Variants in RAD51B observed in about 807,000 individuals in gnomAD.
RAD51B encodes DNA repair protein RAD51 homolog 2.
RAD51B carries 38 observed loss-of-function variants against 42.2 expected under a neutral mutation model. The observed-to-expected ratio is 0.90, with a 90% CI of 0.70 to 1.18. The LOEUF is 1.18. RAD51B is among the 50% of genes most tolerant of loss of function. The probability of loss-of-function intolerance (pLI) is 0.00; values close to 1 mark genes in which losing one functional copy is unlikely to be tolerated. For missense variants in RAD51B, 373 were observed against 400.7 expected (o/e 0.93, Z 0.59); for synonymous variants, 154 against 145.2 (o/e 1.06, Z -0.43).
intron 4 of RAD51B, among the ~76,000 whole-genome samples, chr14:67,853,185 T>C (rs1290051519): frequency 1.3e-5 from 2 of 152,104 alleles, no homozygotes; most frequent in Non-Finnish European, 1.5e-5. Flanking sequence ...TGCAGAGAAA[T>C]AGATTTTTGC....
intron 10 of RAD51B, among the ~76,000 whole-genome samples, chr14:68,544,078 T>C (rs1888101033): frequency 6.6e-6 from 1 of 152,224 alleles, no homozygotes; most frequent in Non-Finnish European, 1.5e-5. Flanking sequence ...TTGCATAAGA[T>C]ACATAAATCT....
intron 8 of RAD51B, among the ~76,000 whole-genome samples, chr14:68,335,104 C>T (rs1256861677): frequency 6.7e-6 from 1 of 150,278 alleles, no homozygotes; most frequent in Non-Finnish European, 1.5e-5. Context: ...TGAGACCAGC[C>T]TGGCCAACAT....
At chr14:68,438,448 C>T (rs925831509) in intron 9 of RAD51B, among the ~76,000 whole-genome samples, 1 of 152,136 alleles carries the variant, frequency 6.6e-6, no homozygotes, top group Admixed American at 6.5e-5. Context: ...GAGGCAAGAG[C>T]TGGCCCTGCT....
intron 4 of RAD51B, among the ~76,000 whole-genome samples, chr14:67,846,461 G>T (rs2140319109): frequency 6.6e-6 from 1 of 152,296 alleles, no homozygotes; most frequent in South Asian, 2.1e-4. Flanking sequence ...ACCCACACGT[G>T]TGCCAGCAAA....
intron 10 of RAD51B, among the ~76,000 whole-genome samples, chr14:68,522,907 G>T (rs771439286): frequency 6.6e-6 from 1 of 152,170 alleles, no homozygotes; most frequent in Non-Finnish European, 1.5e-5. Context: ...CAATTTGCAG[G>T]AACAACCTCT....
chr14:68,521,125 A>G (rs2140330562), intron 10 of RAD51B, among the ~76,000 whole-genome samples: 1 of 152,298 alleles, frequency 6.6e-6, no homozygotes, highest in African/African-American at 2.4e-5. Flanking sequence ...TAGGGATGGA[A>G]TGTCTGAGGA....
In RAD51B at chr14:68,477,784, G is replaced by C; in HGVS notation, c.*120G>C. ...AATGGGGATTAATTAGTTGATTGCT[G>C]TTGAGATGGTAACAGATTTGCTCCT... On this transcript the variant is annotated 3_prime_UTR_variant, in exon 11 of 11. Coordinates refer to ENST00000471583, the MANE Select transcript of RAD51B (RefSeq NM_133510.4). 6.5e-7 allele frequency: 1 copy of C among 1,538,506 alleles called. No individual in the cohort carries two copies. The highest frequency in any genetic ancestry group is 1.4e-5 in the African/African-American group (1 of 71,674).
chr14:68,511,737 G>T (rs1885743032), intron 10 of RAD51B, among the ~76,000 whole-genome samples: 1 of 152,184 alleles, frequency 6.6e-6, no homozygotes, highest in South Asian at 2.1e-4. Context: ...GTTCAGCTAG[G>T]CCAGGCTTTC....
At chr14:68,332,429 C>A (rs2082369023) in intron 8 of RAD51B, among the ~76,000 whole-genome samples, 1 of 152,170 alleles carries the variant, frequency 6.6e-6, no homozygotes, top group Non-Finnish European at 1.5e-5. Context: ...TGACAGAGAT[C>A]ATTATTTCAA....
intron 10 of RAD51B, among the ~76,000 whole-genome samples, chr14:68,628,674 G>A (rs2140121015): frequency 6.6e-6 from 1 of 152,288 alleles, no homozygotes; most frequent in East Asian, 1.9e-4. Flanking sequence ...TGGGTCACCT[G>A]GGCTGAGTCG....
At chr14:68,549,409 A>ATTTTTTTTTTTTTTTTTTTTTTTTTTTTT (rs71129897) in intron 10 of RAD51B, among the ~76,000 whole-genome samples, 17 of 63,568 alleles carry the variant, frequency 2.7e-4, no homozygotes, top group South Asian at 7.4e-4. Flanking sequence ...CCCTGGACAC[A>ATTTTTTTTTTTTTTTTTTTTTTTTTTTTT]TTTTTTTTTT....
At chr14:67,976,016 CAA>C (rs1171777276) in intron 7 of RAD51B, among the ~76,000 whole-genome samples, 1 of 151,914 alleles carries the variant, frequency 6.6e-6, no homozygotes, top group Non-Finnish European at 1.5e-5. Context: ...GTTCTCCACT[CAA>C]ATTCTTTATG....
intron 8 of RAD51B, among the ~76,000 whole-genome samples, chr14:68,301,739 G>A (rs965013940): frequency 6.6e-6 from 1 of 152,004 alleles, no homozygotes; most frequent in Admixed American, 6.5e-5. Flanking sequence ...TGGGATTACA[G>A]GCATGCACCA....
chr14:68,579,912 G>T (rs1271959619), intron 10 of RAD51B, among the ~76,000 whole-genome samples: 1 of 152,226 alleles, frequency 6.6e-6, no homozygotes, highest in East Asian at 1.9e-4. Context: ...CACGTCTCCA[G>T]CCCAGGCCCA....
chr14:68,682,205 C>A (rs949091851), intron 11 of RAD51B, among the ~76,000 whole-genome samples: 2 of 152,208 alleles, frequency 1.3e-5, no homozygotes, highest in African/African-American at 4.8e-5. Context: ...CAGATTACAA[C>A]TGAGACTCAA....
At chr14:68,113,789 G>A (rs1036864895) in intron 7 of RAD51B, 2 of 152,110 alleles carry the variant, frequency 1.3e-5, no homozygotes, top group Non-Finnish European at 2.9e-5. Flanking sequence ...TCTTAAGTAT[G>A]AGCATGCTGG....
At chr14:67,910,628 C>G (rs2043946487) in intron 7 of RAD51B, among the ~76,000 whole-genome samples, 2 of 151,480 alleles carry the variant, frequency 1.3e-5, no homozygotes, top group Non-Finnish European at 2.9e-5. Flanking sequence ...TTGTATTTTA[C>G]CATATTTGTG....
intron 7 of RAD51B, among the ~76,000 whole-genome samples, chr14:68,285,740 T>G (rs1356336531): frequency 6.6e-6 from 1 of 152,142 alleles, no homozygotes; most frequent in Non-Finnish European, 1.5e-5. Flanking sequence ...ATGCCTGAGG[T>G]TGCTTCGTGA....
rs2041412820 is a variant in RAD51B, at chr14:67,841,119, A to G, written c.315+5923A>G. On this transcript the variant is annotated intron_variant, in intron 4 of 10. Transcript: ENST00000471583. ...CTGGCCATTTTGACTTCTTAATAAT[A>G]GCCATTCTGGCTGGTGTGAGATGGT... Among the ~76,000 whole-genome samples, 3 of 152,174 alleles carry G rather than the reference A, an allele frequency of 2.0e-5. No homozygotes were observed. The South Asian group carries it at 6.2e-4, about 31-fold the overall frequency.
Sources: allele counts gnomAD v4.1 joint callset (sites outside exome capture counted in the v4.1 genomes callset), GRCh38; gene constraint gnomAD v4.1.1; transcripts MANE v1.5; gene names NCBI Gene and HGNC (gene_info 2026-07-23, HGNC 2026-07-21).